The following ITPR1 variants were observed in gnomAD, a reference collection of about 807,000 sequenced individuals.
ITPR1 encodes inositol 1,4,5-trisphosphate-gated calcium channel ITPR1.
In ITPR1, 96 loss-of-function variants were observed where a neutral mutation model predicts 318.4. The ratio of observed to expected loss-of-function variants is 0.30; its 90% confidence interval spans 0.26 to 0.36. The LOEUF (loss-of-function observed/expected upper bound fraction) is 0.36, where lower values mean the gene tolerates loss of function less well. Ranked by LOEUF, ITPR1 falls within the 10% of genes least tolerant of loss-of-function variation. The pLI is 1.00. For missense variants in ITPR1, 2,440 were observed against 3,460.2 expected (o/e 0.71, Z 7.40); for synonymous variants, 1,312 against 1,289.9 (o/e 1.02, Z -0.37).
At chr3:4,845,664 T>C (rs908719406) in intron 61 of ITPR1, among the ~76,000 whole-genome samples, 1 of 150,676 alleles carries the variant, frequency 6.6e-6, no homozygotes, top group Non-Finnish European at 1.5e-5. Context: ...ATTTTTTTTT[T>C]CTCTAACCAA....
chr3:4,725,636 C>T, intron 41 of ITPR1, 55 bp downstream of exon 41: 2 of 1,462,298 alleles, frequency 1.4e-6, no homozygotes, highest in South Asian at 1.1e-5. Flanking sequence ...GGATGCCTCT[C>T]AGTTGTCCTG....
intron 4 of ITPR1, among the ~76,000 whole-genome samples, chr3:4,553,403 A>C (rs1005061157): frequency 6.6e-6 from 1 of 152,068 alleles, no homozygotes; most frequent in East Asian, 1.9e-4. Flanking sequence ...TGATTGACTA[A>C]GACATTTGAA....
intron 5 of ITPR1, among the ~76,000 whole-genome samples, chr3:4,639,155 A>C (rs1369533446): frequency 6.6e-6 from 1 of 152,200 alleles, no homozygotes; most frequent in Non-Finnish European, 1.5e-5. Context: ...TTCCTTAAAG[A>C]AAGAAAAAAA....
At position 4,710,943 on chromosome 3, in the gene ITPR1, GGC is replaced by G. The variant is rs2041312612; in HGVS notation, c.4991+471_4991+472del. The stretch of plus-strand genomic sequence containing the variant: ...TTTTTGCCCCAAGGCCGGACACGGT[GGC>G]TCATGCCTGTAATCCCAGCACTTTG... On this transcript the variant is annotated intron_variant, in intron 38 of 61. Transcript: ENST00000649015. The surrounding 1 kb of genome is among the most constrained non-coding windows in gnomAD (Gnocchi z 4.2). Among the ~76,000 whole-genome samples the G allele has an allele frequency of 6.6e-6, 1 of 152,200 alleles. No homozygotes were observed. Among genetic ancestry groups the G allele is most frequent in the Non-Finnish European group, 1.5e-5 (1 of 68,040 alleles).
At chr3:4,824,752 T>C (rs2049963439) in intron 60 of ITPR1, among the ~76,000 whole-genome samples, 1 of 152,058 alleles carries the variant, frequency 6.6e-6, no homozygotes, top group African/African-American at 2.4e-5. Context: ...AGGAGTTAGA[T>C]GGGGTGTGAC....
intron 60 of ITPR1, chr3:4,825,700 C>A (rs899773234): frequency 3.3e-5 from 15 of 456,068 alleles, no homozygotes; most frequent in Non-Finnish European, 6.6e-5. Flanking sequence ...TTAATACCTG[C>A]GTGTCACTAC....
chr3:4,535,140 G>A (rs1487741804), intron 4 of ITPR1, among the ~76,000 whole-genome samples: 4 of 151,872 alleles, frequency 2.6e-5, no homozygotes, highest in Middle Eastern at 3.4e-3. Context: ...TGATCTGGGC[G>A]GGGGGAGGGA....
chr3:4,811,333 G>C lies in ITPR1; in HGVS notation c.7341G>C (p.Arg2447=). Residue 2447 remains arginine, a synonymous_variant, in exon 56 of 62, where the codon CGG becomes CGC. Coordinates refer to ENST00000649015, the MANE Select transcript of ITPR1 (RefSeq NM_001378452.1). Reference sequence around the variant, plus strand: ...TTAAAAGTGTCACTCGCAATGGACGGTCCATCATCCTGACAGCAGTTCTGG... The same window carrying C: ...TTAAAAGTGTCACTCGCAATGGACGCTCCATCATCCTGACAGCAGTTCTGG... ...NVIKSVTRNG[R]SIILTAVLAL... is the part of the protein sequence containing the mutation. 6.2e-7 allele frequency: 1 copy of C among 1,613,716 alleles called. No individual in the cohort carries two copies. The highest frequency in any genetic ancestry group is 1.7e-5 in the Admixed American group (1 of 59,996).
chr3:4,840,006 A>G (rs1332994515), intron 61 of ITPR1, among the ~76,000 whole-genome samples: 1 of 148,268 alleles, frequency 6.7e-6, no homozygotes, highest in Non-Finnish European at 1.5e-5. Context: ...ACTCAGAATT[A>G]CAGGAAAAAT....
chr3:4,836,856 G>A lies in ITPR1; in HGVS notation c.8111G>A (p.Arg2704Lys). 1 of 1,592,542 alleles carries A rather than the reference G, an allele frequency of 6.3e-7. No individual in the cohort carries two copies. Among genetic ancestry groups the A allele is most frequent in the Non-Finnish European group, 8.6e-7 (1 of 1,166,144 alleles). Residue 2704 changes from arginine (R) to lysine (K), a missense_variant, in exon 61 of 62, where the codon AGA (arginine) becomes AAA (lysine). By Grantham distance (26) the Arg-to-Lys change is conservative. Transcript: ENST00000649015. Reference sequence around the variant, plus strand: ...TCTGAAGGAGAACAGAATGAGCTGAGAAACCTGCAGGAGAAGCTGGAGTCC... The same window carrying A: ...TCTGAAGGAGAACAGAATGAGCTGAAAAACCTGCAGGAGAAGCTGGAGTCC... The part of the protein sequence containing the change: ...SDSEGEQNEL[R>K]NLQEKLESTM...
chr3:4,509,512 C>A (rs181922750), intron 2 of ITPR1, among the ~76,000 whole-genome samples: 10 of 152,184 alleles, frequency 6.6e-5, no homozygotes, highest in Non-Finnish European at 1.3e-4. Context: ...AAAAAACAAA[C>A]CAGGTGTGGT....
At chr3:4,521,416 A>C (rs1397612352) in intron 4 of ITPR1, among the ~76,000 whole-genome samples, 1 of 152,158 alleles carries the variant, frequency 6.6e-6, no homozygotes, top group Non-Finnish European at 1.5e-5. Context: ...GGGAACATTC[A>C]TTATTTCAGC....
chr3:4,678,665 T>C (rs1051536773), intron 24 of ITPR1, among the ~76,000 whole-genome samples: 10 of 152,132 alleles, frequency 6.6e-5, no homozygotes, highest in African/African-American at 1.9e-4. Flanking sequence ...AGTGGGGTCA[T>C]GTGACTCCAC....
At chr3:4,500,612 C>T (rs1258026792) in intron 2 of ITPR1, among the ~76,000 whole-genome samples, 2 of 152,160 alleles carry the variant, frequency 1.3e-5, no homozygotes, top group Non-Finnish European at 2.9e-5. Context: ...CTTGAATTTC[C>T]TAGGTGAAAG....
chr3:4,798,776 C>G (rs2048044646), intron 53 of ITPR1, among the ~76,000 whole-genome samples: 1 of 152,188 alleles, frequency 6.6e-6, no homozygotes, highest in African/African-American at 2.4e-5. Flanking sequence ...TCAATACATA[C>G]ATGGTAACCT....
chr3:4,563,980 C>T (rs1172059410), intron 4 of ITPR1, among the ~76,000 whole-genome samples: 1 of 151,494 alleles, frequency 6.6e-6, no homozygotes, highest in Non-Finnish European at 1.5e-5. Context: ...CTCACCGTGT[C>T]ACCCAGACTG....
intron 4 of ITPR1, among the ~76,000 whole-genome samples, chr3:4,617,962 G>A (rs1187400670): frequency 1.3e-5 from 2 of 149,698 alleles, no homozygotes; most frequent in African/African-American, 4.9e-5. Flanking sequence ...TCCAGCCTGG[G>A]CAACAAAGTG....
intron 33 of ITPR1, among the ~76,000 whole-genome samples, chr3:4,695,330 A>C (rs2094540813): frequency 6.6e-6 from 1 of 152,238 alleles, no homozygotes; most frequent in Non-Finnish European, 1.5e-5. Flanking sequence ...AAGAAGGTAG[A>C]GTTATAACTA....
At chr3:4,610,689 T>C (rs1387144914) in intron 4 of ITPR1, among the ~76,000 whole-genome samples, 1 of 152,152 alleles carries the variant, frequency 6.6e-6, no homozygotes, top group African/African-American at 2.4e-5. Flanking sequence ...AAGTCCATGG[T>C]TACTGTTTGT....
Sources: gnomAD v4.1 joint callset for allele counts (sites outside exome capture counted in the v4.1 genomes callset) on GRCh38, gnomAD v4.1.1 for gene constraint, Gnocchi (gnomAD v3.1) non-coding constraint, MANE v1.5 for transcripts, NCBI Gene and HGNC (gene_info 2026-07-23, HGNC 2026-07-21) for gene names.